PAPOLG: variants seen among roughly 807,000 people sequenced by gnomAD.
The protein encoded by PAPOLG is poly(A) polymerase gamma.
Under a neutral mutation model 99.0 loss-of-function variants are expected in PAPOLG, and 40 were observed. That is an observed-to-expected ratio of 0.40 (90% CI 0.31 to 0.53). The LOEUF (loss-of-function observed/expected upper bound fraction) is 0.53. PAPOLG is among the 20% of genes least tolerant of loss of function. PAPOLG has a pLI of 0.41. For synonymous variants in PAPOLG, 310 were observed against 299.3 expected (o/e 1.04, Z -0.37); for missense variants, 675 against 884.1 (o/e 0.76, Z 3.00).
intron 3 of PAPOLG, among the ~76,000 whole-genome samples, chr2:60,767,683 TG>T (rs1670721911): frequency 6.6e-6 from 1 of 152,192 alleles, no homozygotes; most frequent in Admixed American, 6.6e-5. Flanking sequence ...ATGTCAGGAA[TG>T]ACTCCGTTCT....
chr2:60,768,622 A>G (rs1335967536), intron 4 of PAPOLG, 71 bp downstream of exon 4: 13 of 1,404,348 alleles, frequency 9.3e-6, no homozygotes, highest in Admixed American at 2.0e-5. Context: ...AAAATGTAGG[A>G]GAACAAAGTT....
intron 6 of PAPOLG, 40 bp from the exon 7 acceptor site, chr2:60,771,479 A>G (rs1294881773): frequency 6.4e-7 from 1 of 1,565,062 alleles, no homozygotes; most frequent in Non-Finnish European, 8.6e-7. Flanking sequence ...TTAAAAGGAG[A>G]AAATGTAATT....
intron 17 of PAPOLG, 51 bp from the exon 18 acceptor site, chr2:60,793,576 A>G (rs1671606809): frequency 6.3e-7 from 1 of 1,592,874 alleles, no homozygotes; most frequent in Non-Finnish European, 8.6e-7. Context: ...AAAAGGAGAA[A>G]AAAAGTAATA....
intron 7 of PAPOLG, 109 bp from the exon 8 acceptor site, chr2:60,774,925 T>G (rs1670971652): frequency 6.6e-7 from 1 of 1,510,162 alleles, no homozygotes; most frequent in Admixed American, 2.4e-5. Context: ...GCCCCAATGT[T>G]TTATTATCTT....
At position 60,797,080 on chromosome 2, in the gene PAPOLG, C is replaced by A; in HGVS notation, c.2131C>A (p.Leu711Ile). ...CTAATAGAGACTACCCAGTAAAGAA[C>A]TACCAGATTCATCATCTCCAGTTCC... is the stretch of plus-strand genomic sequence containing the variant. ...SRKKRLPSKE[L>I]PDSSSPVPAN... Residue 711 changes from leucine to isoleucine, a missense_variant, in exon 22 of 22, where the codon CTA (leucine) becomes ATA (isoleucine). Transcript: ENST00000238714. 5.0e-6 allele frequency: 8 copies of A among 1,612,594 alleles called. No individual in the cohort carries two copies. Among genetic ancestry groups the A allele is most frequent in the Non-Finnish European group, 5.9e-6 (7 of 1,178,636 alleles).
chr2:60,795,023 A>G lies in PAPOLG; in HGVS notation c.2112+3A>G. The G allele has an allele frequency of 6.2e-7, 1 of 1,607,900 alleles. No homozygotes were observed. Among genetic ancestry groups the G allele is most frequent in the Non-Finnish European group, 8.5e-7 (1 of 1,174,658 alleles). On this transcript the variant is annotated splice_donor_region_variant and intron_variant, in intron 21 of 21. Transcript: ENST00000238714. ...CTATTGATACATCACGCAAAAAGGTAACAAGATAGTCTTGTTCATAGGTAC... is the reference window on the plus strand; with the variant it reads ...CTATTGATACATCACGCAAAAAGGTGACAAGATAGTCTTGTTCATAGGTAC...
chr2:60,787,078 GTTTTATA>G lies in PAPOLG; in HGVS notation c.1286+13_1286+19del. The G allele has an allele frequency of 6.4e-7, 1 of 1,564,868 alleles. No individual in the cohort carries two copies. The highest frequency in any genetic ancestry group is 8.7e-7 in the Non-Finnish European group (1 of 1,152,506). ...GAACATCATAAAGAGTAAGTTAATT[GTTTTATA>G]ATACTTTATTTCTTAAATAATGTTA... On this transcript the variant is annotated intron_variant, in intron 14 of 21. Transcript: ENST00000238714.
chr2:60,778,388 G>C (rs1186316502), intron 8 of PAPOLG, among the ~76,000 whole-genome samples: 1 of 151,594 alleles, frequency 6.6e-6, no homozygotes, highest in African/African-American at 2.4e-5. Context: ...ATGTTAGCTA[G>C]GCTGGTCTCA....
chr2:60,772,936 T>A (rs1295271641), intron 7 of PAPOLG, among the ~76,000 whole-genome samples: 1 of 152,010 alleles, frequency 6.6e-6, no homozygotes, highest in Non-Finnish European at 1.5e-5. Flanking sequence ...TTTTCTTTTC[T>A]TTTTTTTGAG....
At position 60,794,957 on chromosome 2, in the gene PAPOLG, T is replaced by C; in HGVS notation, c.2056-7T>C. On this transcript the variant is annotated splice_polypyrimidine_tract_variant and splice_region_variant and intron_variant, in intron 20 of 21. Transcript: ENST00000238714. Reference sequence around the variant, plus strand: ...GTTTTCACTTGTGTTGATTCTTCTGTTTTTAGGATGCCATTGGAGGAGAAT... The same window carrying C: ...GTTTTCACTTGTGTTGATTCTTCTGCTTTTAGGATGCCATTGGAGGAGAAT... The C allele has an allele frequency of 6.2e-7, 1 of 1,612,360 alleles. No homozygotes were observed. The highest frequency in any genetic ancestry group is 8.5e-7 in the Non-Finnish European group (1 of 1,179,428).
Position 60,779,752 on chromosome 2 carries a change from G to A in PAPOLG, c.810G>A (p.Lys270=). 6.2e-7 allele frequency: 1 copy of A among 1,613,690 alleles called. No homozygotes were observed. Among genetic ancestry groups the A allele is most frequent in the East Asian group, 2.2e-5 (1 of 44,856 alleles). ...CAGCAGCATCTACTTTAGTTCATAA[G>A]TTCTTTTTAGTTTTTTCCAAGTGGT... ...PNAAASTLVH[K]FFLVFSKWEW... The change falls in exon 9 of 22, where the codon AAG becomes AAA. Residue 270 remains lysine, a synonymous_variant. Coordinates refer to ENST00000238714, the MANE Select transcript of PAPOLG (RefSeq NM_022894.4).
chr2:60,779,601 T>C, intron 8 of PAPOLG, 36 bp from the exon 9 acceptor site: 1 of 1,586,174 alleles, frequency 6.3e-7, no homozygotes, highest in Non-Finnish European at 8.6e-7. Flanking sequence ...AGATAGTAGG[T>C]CCTAATAATA....
intron 10 of PAPOLG, 66 bp from the exon 11 acceptor site, chr2:60,781,819 G>A (rs758999213): frequency 9.3e-5 from 148 of 1,592,442 alleles, no homozygotes; most frequent in Non-Finnish European, 1.2e-4. Flanking sequence ...TCAGACTTTT[G>A]GGGAAATGAA....
At chr2:60,778,404 C>T (rs1020840865) in intron 8 of PAPOLG, among the ~76,000 whole-genome samples, 1 of 151,946 alleles carries the variant, frequency 6.6e-6, no homozygotes, top group African/African-American at 2.4e-5. Flanking sequence ...TCTCAAACTC[C>T]TGAGCTCAAC....
At chr2:60,756,780 G>C (rs578229361) in intron 1 of PAPOLG, among the ~76,000 whole-genome samples, 1 of 152,074 alleles carries the variant, frequency 6.6e-6, no homozygotes, top group South Asian at 2.1e-4. Context: ...TGTGTCCGTA[G>C]GGAGAAATTG....
chr2:60,784,757 A>G (rs1040168985), intron 13 of PAPOLG, among the ~76,000 whole-genome samples: 3 of 152,142 alleles, frequency 2.0e-5, no homozygotes, highest in African/African-American at 4.8e-5. Context: ...TTCTTCGTTT[A>G]TATATTATCT....
At chr2:60,794,594 A>G in intron 19 of PAPOLG, 116 bp from the exon 20 acceptor site, 1 of 822,248 alleles carries the variant, frequency 1.2e-6, no homozygotes, top group South Asian at 1.8e-5. Context: ...TTACCAATCC[A>G]TGTTTATAGT....
intron 3 of PAPOLG, among the ~76,000 whole-genome samples, chr2:60,765,304 T>A (rs1236924263): frequency 6.7e-6 from 1 of 150,108 alleles, no homozygotes; most frequent in African/African-American, 2.5e-5. Flanking sequence ...CCTCAAACTC[T>A]TGTACTCAAG....
At chr2:60,764,491 AC>A (rs1252993172) in intron 3 of PAPOLG, among the ~76,000 whole-genome samples, 6 of 150,106 alleles carry the variant, frequency 4.0e-5, no homozygotes, top group Non-Finnish European at 8.9e-5. Context: ...ATCTCAGCTC[AC>A]TGCAACCTCC....
Sources: allele counts gnomAD v4.1 joint callset (sites outside exome capture counted in the v4.1 genomes callset), GRCh38; gene constraint gnomAD v4.1.1; transcripts MANE v1.5; gene names NCBI Gene and HGNC (gene_info 2026-07-23, HGNC 2026-07-21).